UNC80: variants seen among roughly 807,000 people sequenced by gnomAD.
UNC80 encodes the protein unc-80 subunit of NALCN channel complex, also known as protein unc-80 homolog.
A neutral mutation model predicts 384.6 loss-of-function variants in UNC80; 164 were observed. That is an observed-to-expected ratio of 0.43 (90% CI 0.38 to 0.49). UNC80 has a LOEUF of 0.49. Ranked by LOEUF, UNC80 falls within the 20% of genes least tolerant of loss-of-function variation. The pLI, the probability that UNC80 is intolerant of heterozygous loss-of-function variation, is 0.00. For missense variants in UNC80, 3,330 were observed against 4,143.0 expected, an observed-to-expected ratio of 0.80 and a Z score of 5.39; for synonymous variants, 1,486 against 1,527.8, an observed-to-expected ratio of 0.97 and a Z score of 0.64.
At chr2:209,905,790 A>G (rs1159913779) in intron 29 of UNC80, among the ~76,000 whole-genome samples, 1 of 152,176 alleles carries the variant, frequency 6.6e-6, no homozygotes, top group African/African-American at 2.4e-5. Context: ...TTTTTCAAGT[A>G]TTCAGCTGCC....
chr2:209,939,702 G>C (rs1311878683), intron 43 of UNC80, 50 bp downstream of exon 43: 17 of 1,434,434 alleles, frequency 1.2e-5, no homozygotes, highest in Non-Finnish European at 1.5e-5. Flanking sequence ...TAACACACTT[G>C]TTGTTTTTTT....
chr2:209,873,950 A>G (rs900764001), intron 23 of UNC80, among the ~76,000 whole-genome samples: 1 of 150,958 alleles, frequency 6.6e-6, no homozygotes, highest in African/African-American at 2.4e-5. Context: ...ATATAAAAAC[A>G]TCCTGTTTAA....
chr2:209,953,587 G>A (rs1236228441), intron 47 of UNC80, among the ~76,000 whole-genome samples: 1 of 152,068 alleles, frequency 6.6e-6, no homozygotes, highest in Non-Finnish European at 1.5e-5. Context: ...AGTGAGTGGT[G>A]TTCACTCACG....
At chr2:209,852,211 A>C (rs2082583303) in intron 22 of UNC80, among the ~76,000 whole-genome samples, 1 of 152,022 alleles carries the variant, frequency 6.6e-6, no homozygotes, top group Non-Finnish European at 1.5e-5. Context: ...AGTTCCTTTC[A>C]TACCTGACAG....
chr2:209,964,876 G>T (rs1023567668), intron 51 of UNC80, among the ~76,000 whole-genome samples: 2 of 151,730 alleles, frequency 1.3e-5, no homozygotes, highest in Non-Finnish European at 2.9e-5. Flanking sequence ...AAATTTATGG[G>T]CCTTATTTTT....
intron 22 of UNC80, among the ~76,000 whole-genome samples, chr2:209,861,151 T>C (rs1390026931): frequency 1.3e-5 from 2 of 152,250 alleles, no homozygotes; most frequent in African/African-American, 2.4e-5. Flanking sequence ...TGCTTCCAGC[T>C]TTTGCCCATT....
rs759046455 is a variant in UNC80 at position 209,777,463 on chromosome 2, C to T, written c.504C>T (p.Asp168=). 9.9e-6 allele frequency: 16 copies of T among 1,614,010 alleles called. No homozygotes were observed. The highest frequency in any genetic ancestry group is 1.3e-5 in the African/African-American group (1 of 74,910). The part of the protein sequence containing the change: ...PGQPCQSSSN[D]EEENNRRKIF... Reference sequence around the variant, plus strand: ...AGCCTTGCCAAAGCAGCTCTAATGACGAAGAAGAGAACAACCGAAGAAAGA... The same window carrying T: ...AGCCTTGCCAAAGCAGCTCTAATGATGAAGAAGAGAACAACCGAAGAAAGA... The change falls in exon 4 of 65, where the codon GAC becomes GAT. Residue 168 remains aspartate, a synonymous_variant. Transcript: ENST00000673920.
At chr2:209,833,904 C>G in intron 16 of UNC80, 98 bp from the exon 17 acceptor site, 1 of 1,231,960 alleles carries the variant, frequency 8.1e-7, no homozygotes, top group South Asian at 1.5e-5. Flanking sequence ...CAATGCTCAT[C>G]TAAGCCTAAG....
At chr2:209,941,913 CAAAA>C (rs1281735889) in intron 44 of UNC80, among the ~76,000 whole-genome samples, 2 of 151,782 alleles carry the variant, frequency 1.3e-5, no homozygotes, top group Non-Finnish European at 2.9e-5. Flanking sequence ...ATCTCTAAAA[CAAAA>C]AAAAGTTTTA....
At chr2:209,864,398 G>A (rs1055381002) in intron 22 of UNC80, among the ~76,000 whole-genome samples, 2 of 152,154 alleles carry the variant, frequency 1.3e-5, no homozygotes, top group African/African-American at 4.8e-5. Flanking sequence ...CTTGCTGTGG[G>A]GAAACCCACC....
chr2:209,979,592 T>C (rs1259786881), intron 59 of UNC80, among the ~76,000 whole-genome samples: 2 of 152,158 alleles, frequency 1.3e-5, no homozygotes, highest in African/African-American at 2.4e-5. Flanking sequence ...GTGCTAGAGA[T>C]TTGGTGTTAT....
intron 7 of UNC80, chr2:209,809,319 G>A (rs2079160934): frequency 1.3e-6 from 1 of 770,982 alleles, no homozygotes. Context: ...GCCACACGCT[G>A]CCCTTCGCCT....
At position 209,817,937 on chromosome 2, in the gene UNC80, AAC is replaced by A. The variant is rs1574579609; in HGVS notation, c.1681_1682del (p.Thr561ArgfsTer33). The A allele has an allele frequency of 6.4e-7, 1 of 1,551,526 alleles. No homozygotes were observed. The highest frequency in any genetic ancestry group is 8.7e-7 in the Non-Finnish European group (1 of 1,146,928). On this transcript the variant is annotated frameshift_variant, in exon 11 of 65. Coordinates refer to ENST00000673920, the MANE Select transcript of UNC80 (RefSeq NM_001371986.1). LOFTEE classifies it high-confidence loss of function. ...GGACCCCTCCAACAGCCATGGAGAA[AAC>A]ACCGTCAAGGAAGGTGGGTAGGAGG... is the stretch of plus-strand genomic sequence containing the variant. ...LPDPSNSHGE[N>X]TVKEVRSQIS...
intron 9 of UNC80, among the ~76,000 whole-genome samples, chr2:209,815,841 T>A (rs948795081): frequency 6.6e-6 from 1 of 152,196 alleles, no homozygotes; most frequent in Non-Finnish European, 1.5e-5. Flanking sequence ...CAAGATTGAG[T>A]CCAAACTCAA....
chr2:209,937,803 G>A (rs748576626), intron 42 of UNC80, among the ~76,000 whole-genome samples, 173 bp downstream of exon 42: 2 of 152,054 alleles, frequency 1.3e-5, no homozygotes, highest in Non-Finnish European at 2.9e-5. Context: ...TTTACAAATT[G>A]GATCATTGCT....
At chr2:209,807,585 G>A (rs2078987539) in intron 7 of UNC80, among the ~76,000 whole-genome samples, 1 of 151,558 alleles carries the variant, frequency 6.6e-6, no homozygotes, top group African/African-American at 2.4e-5. Context: ...GGATGGTCTC[G>A]ATCTCCTGAC....
chr2:209,816,084 T>C (rs2153827484), intron 9 of UNC80, among the ~76,000 whole-genome samples: 1 of 152,374 alleles, frequency 6.6e-6, no homozygotes, highest in South Asian at 2.1e-4. Context: ...AGCAGTTTTC[T>C]GCCTTTGTTA....
rs865952305 is a variant in UNC80, at chr2:209,971,495, G to A, written c.8256+538G>A. 1.0e-4 allele frequency among the ~76,000 whole-genome samples: 15 copies of A among 142,906 alleles called. 1 individual carries two copies. Among genetic ancestry groups the A allele is most frequent in the African/African-American group, 2.1e-4 (8 of 38,420 alleles). 93.8% of individuals were successfully genotyped at this position (142,906 alleles called of 152,430 possible). The stretch of plus-strand genomic sequence containing the variant: ...AAAAAAAAAAAAATTGCAGAATCCC[G>A]TCTCCTGAGTATTTCTGTGTGTCAC... On this transcript the variant is annotated intron_variant, in intron 54 of 64. Coordinates refer to ENST00000673920, the MANE Select transcript of UNC80 (RefSeq NM_001371986.1).
chr2:209,777,796 C>G (rs1466603097), intron 4 of UNC80, among the ~76,000 whole-genome samples: 1 of 152,148 alleles, frequency 6.6e-6, no homozygotes, highest in Non-Finnish European at 1.5e-5. Context: ...CATGATAATG[C>G]CCAACATATT....
Sources: allele counts gnomAD v4.1 joint callset (sites outside exome capture counted in the v4.1 genomes callset), GRCh38; gene constraint gnomAD v4.1.1; transcripts MANE v1.5; gene names NCBI Gene and HGNC (gene_info 2026-07-23, HGNC 2026-07-21).